The following CHD6 variants were observed in gnomAD, a reference collection of about 807,000 sequenced individuals.
CHD6 encodes the protein ATP-dependent chromatin remodeler CHD6.
A neutral mutation model predicts 276.9 loss-of-function variants in CHD6; 50 were observed. The observed-to-expected ratio is 0.18, with a 90% CI of 0.14 to 0.23. CHD6 has a LOEUF of 0.23. CHD6 is among the 10% of genes least tolerant of loss of function. CHD6 has a pLI of 1.00. For synonymous variants in CHD6, 1,173 were observed against 1,229.3 expected (o/e 0.95, Z 0.96); for missense variants, 2,564 against 3,365.8 (o/e 0.76, Z 5.89).
chr20:41,467,429 T>A (rs181406507), intron 17 of CHD6, among the ~76,000 whole-genome samples: 32 of 152,264 alleles, frequency 2.1e-4, no homozygotes, highest in African/African-American at 7.7e-4. Flanking sequence ...AGTGGTGCTA[T>A]AATCCCCCAG....
chr20:41,577,386 G>T (rs1385152284), intron 1 of CHD6, among the ~76,000 whole-genome samples: 1 of 152,152 alleles, frequency 6.6e-6, no homozygotes, highest in African/African-American at 2.4e-5. Flanking sequence ...GGTCAGAGTG[G>T]TATCCTGTGT....
chr20:41,434,264 T>C (rs1034253543), intron 27 of CHD6, among the ~76,000 whole-genome samples: 1 of 152,212 alleles, frequency 6.6e-6, no homozygotes, highest in African/African-American at 2.4e-5. Context: ...AAAGTAGCCA[T>C]ATTAATTTAT....
intron 8 of CHD6, chr20:41,497,054 T>C (rs2043704314): frequency 9.0e-6 from 2 of 221,842 alleles, no homozygotes; most frequent in South Asian, 8.7e-5. Flanking sequence ...TAGGACCTTC[T>C]GAAATGTCCT....
At position 41,440,121 on chromosome 20, in the gene CHD6, T is replaced by C; in HGVS notation, c.3886A>G (p.Arg1296Gly). ...LIGVFKHGYE[R>G]YNAMRADPAL... Reference sequence around the variant, plus strand: ...GGGTCTGCTCGCATGGCATTGTACCTTTCATAACCTGATCAAGAGTGGTGA... The same window carrying C: ...GGGTCTGCTCGCATGGCATTGTACCCTTCATAACCTGATCAAGAGTGGTGA... Residue 1296 changes from arginine (R) to glycine (G), a missense_variant, in exon 26 of 37, where the codon AGG becomes GGG. By Grantham distance (125) the Arg-to-Gly change is moderately radical. Around this residue, in one of 7 missense-constraint regions of CHD6, gnomAD observed 515 missense variants for 739.5 expected, o/e 0.70. Coordinates refer to ENST00000373233, the MANE Select transcript of CHD6 (RefSeq NM_032221.5). 6.2e-7 allele frequency: 1 copy of C among 1,613,972 alleles called. No individual in the cohort carries two copies. Among genetic ancestry groups the C allele is most frequent in the Non-Finnish European group, 8.5e-7 (1 of 1,179,846 alleles).
intron 1 of CHD6, among the ~76,000 whole-genome samples, chr20:41,595,048 T>C (rs2045704105): frequency 6.6e-6 from 1 of 152,182 alleles, no homozygotes; most frequent in South Asian, 2.1e-4. Flanking sequence ...CCCATTCTCC[T>C]CTGGGGAAGG....
intron 17 of CHD6, chr20:41,461,925 A>G (rs986741260): frequency 4.6e-5 from 7 of 152,202 alleles, no homozygotes; most frequent in African/African-American, 1.7e-4. Context: ...GACCAGAGCA[A>G]AGGTCTTCAT....
Position 41,579,129 on chromosome 20 carries a change from C to CAA in CHD6, c.-23-27771_-23-27770dup, listed in dbSNP as rs58395642. On this transcript the variant is annotated intron_variant, in intron 1 of 36. Transcript: ENST00000373233. ...TGGGCAACAGAACGAGACTCCATCT[C>CAA]AAAAAAAAAAAAAAAAAAAAAAAAG... 2.4e-3 allele frequency among the ~76,000 whole-genome samples: 104 copies of CAA among 42,534 alleles called. 1 individual carries two copies. Among genetic ancestry groups the CAA allele is most frequent in the Non-Finnish European group, 3.3e-3 (76 of 23,298 alleles). 27.9% of individuals were successfully genotyped at this position (42,534 alleles called of 152,430 possible).
intron 8 of CHD6, among the ~76,000 whole-genome samples, chr20:41,495,165 C>A (rs888232705): frequency 6.6e-6 from 1 of 152,080 alleles, no homozygotes; most frequent in Non-Finnish European, 1.5e-5. Flanking sequence ...ACATTGTGTC[C>A]TTTATTATTC....
At chr20:41,409,354 C>T (rs575418043) in intron 36 of CHD6, among the ~76,000 whole-genome samples, 2 of 152,142 alleles carry the variant, frequency 1.3e-5, no homozygotes, top group Non-Finnish European at 2.9e-5. Flanking sequence ...GAAAGGCCTG[C>T]GGAGGGGGCA....
intron 13 of CHD6, 75 bp from the exon 14 acceptor site, chr20:41,487,883 C>G: frequency 6.6e-7 from 1 of 1,511,404 alleles, no homozygotes; most frequent in Non-Finnish European, 9.0e-7. Flanking sequence ...GAAAATTAAG[C>G]CAGGGCATTG....
Position 41,487,667 on chromosome 20 carries a change from G to A in CHD6, c.1999C>T (p.Gln667Ter). ...CAATTCTTTGGGTCCCTAATTACCT[G>A]CTCCTCTGTTTTCAGATCTCCAAAT... ...EEFGDLKTEEQVKKLQSILKP... is the reference protein window; with the variant it reads ...EEFGDLKTEE Residue 667 changes from glutamine to a stop codon, truncating the protein, a stop_gained and splice_region_variant, in exon 14 of 37, where the codon CAG (glutamine) becomes TAG (stop). Transcript: ENST00000373233. LOFTEE classifies it high-confidence loss of function. 6.2e-7 allele frequency: 1 copy of A among 1,600,962 alleles called. No individual in the cohort carries two copies. The highest frequency in any genetic ancestry group is 8.5e-7 in the Non-Finnish European group (1 of 1,176,850).
chr20:41,602,565 G>A (rs1415403298), intron 1 of CHD6, among the ~76,000 whole-genome samples: 2 of 152,238 alleles, frequency 1.3e-5, no homozygotes, highest in South Asian at 4.1e-4. Context: ...CCTCCCTGGT[G>A]GACAGTCTCT....
At chr20:41,453,781 G>C (rs1429279899) in intron 20 of CHD6, among the ~76,000 whole-genome samples, 1 of 152,204 alleles carries the variant, frequency 6.6e-6, no homozygotes. Context: ...GGTTACTAAA[G>C]GGGACTGCAG....
chr20:41,420,060 T>C (rs1178037164), intron 31 of CHD6, among the ~76,000 whole-genome samples: 2 of 152,250 alleles, frequency 1.3e-5, no homozygotes, highest in African/African-American at 4.8e-5. Context: ...ATGGCTTTTT[T>C]GCTCACCTTA....
chr20:41,421,806 T>C lies in CHD6; in HGVS notation c.4829A>G (p.Asp1610Gly), dbSNP rs766491834. 9.9e-6 allele frequency: 16 copies of C among 1,614,074 alleles called. No homozygotes were observed. The African/African-American group carries it at 1.9e-4, about 19-fold the overall frequency. Residue 1610 changes from aspartate to glycine, a missense_variant, in exon 31 of 37, where the codon GAT (aspartate) becomes GGT (glycine). This residue lies in a region of CHD6 where 1,024 missense variants were observed against 1,047.9 expected (regional missense o/e 0.98). Transcript: ENST00000373233. ...ATGCTGGGCATAGTTTCTATAGGCA[T>C]CCAGGAAGGACAGCTGGGGGTCGTT... ...IMNDPQLSFL[D>G]AYRNYAQHKR...
chr20:41,512,720 T>C (rs984943136), intron 5 of CHD6, 126 bp downstream of exon 5: 16 of 1,078,070 alleles, frequency 1.5e-5, no homozygotes, highest in Non-Finnish European at 2.2e-5. Context: ...AGGAAGTCAA[T>C]CGAAGGCCAC....
At chr20:41,411,764 T>C (rs2046847114) in intron 36 of CHD6, among the ~76,000 whole-genome samples, 1 of 152,190 alleles carries the variant, frequency 6.6e-6, no homozygotes, top group South Asian at 2.1e-4. Context: ...ATGTCTTAAA[T>C]GGTAGCCAAA....
chr20:41,414,942 C>T, intron 34 of CHD6: 1 of 1,358,368 alleles, frequency 7.4e-7, no homozygotes, highest in Non-Finnish European at 9.5e-7. Context: ...GGGGTTGTTC[C>T]TATTTGAAAT....
chr20:41,542,368 TA>T (rs2044959972), intron 2 of CHD6, among the ~76,000 whole-genome samples: 1 of 152,144 alleles, frequency 6.6e-6, no homozygotes, highest in South Asian at 2.1e-4. Flanking sequence ...CCCTGCCACA[TA>T]ATAAACCAGG....
Sources: allele counts gnomAD v4.1 joint callset (sites outside exome capture counted in the v4.1 genomes callset), GRCh38; gene constraint gnomAD v4.1.1; regional missense constraint gnomAD v4.1.1; transcripts MANE v1.5; gene names NCBI Gene and HGNC (gene_info 2026-07-23, HGNC 2026-07-21).